SLC25A31: variants seen among roughly 807,000 people sequenced by gnomAD.
SLC25A31 encodes the protein ADP/ATP translocase 4.
Under a neutral mutation model 36.2 loss-of-function variants are expected in SLC25A31, and 40 were observed. The observed-to-expected ratio is 1.10, with a 90% CI of 0.86 to 1.44. The LOEUF (loss-of-function observed/expected upper bound fraction) is 1.44, where lower values mean the gene tolerates loss of function less well. Ranked by LOEUF, SLC25A31 falls within the 40% of genes most tolerant of loss-of-function variation. The pLI is 0.00. For missense variants in SLC25A31, 350 were observed against 397.1 expected (o/e 0.88, Z 1.01); for synonymous variants, 143 against 149.7 (o/e 0.96, Z 0.32).
chr4:127,733,297 G>A (rs946689734), intron 1 of SLC25A31, among the ~76,000 whole-genome samples: 3 of 152,172 alleles, frequency 2.0e-5, no homozygotes, highest in African/African-American at 4.8e-5. Context: ...GGGACCAAAA[G>A]TTGTGGAATT....
chr4:127,730,851 G>A, intron 1 of SLC25A31, 74 bp downstream of exon 1: 1 of 1,410,336 alleles, frequency 7.1e-7, no homozygotes, highest in Non-Finnish European at 9.7e-7. Context: ...GGGTGGCTGG[G>A]AGGGGCATGA....
At chr4:127,759,426 C>T (rs1054278217) in intron 2 of SLC25A31, among the ~76,000 whole-genome samples, 1 of 152,130 alleles carries the variant, frequency 6.6e-6, no homozygotes, top group African/African-American at 2.4e-5. Context: ...TGTAATTTGA[C>T]TTCCCCTTTT....
At chr4:127,760,927 A>G (rs1732116757) in intron 2 of SLC25A31, among the ~76,000 whole-genome samples, 1 of 151,958 alleles carries the variant, frequency 6.6e-6, no homozygotes, top group Non-Finnish European at 1.5e-5. Flanking sequence ...TAGTCCCAGC[A>G]CTCCAGCCTG....
intron 2 of SLC25A31, among the ~76,000 whole-genome samples, chr4:127,748,420 C>T (rs931139844): frequency 6.6e-6 from 1 of 152,188 alleles, no homozygotes; most frequent in African/African-American, 2.4e-5. Flanking sequence ...GTTCCAGCCC[C>T]TGTCACCCAT....
rs531401148 is a variant in SLC25A31 at position 127,749,220 on chromosome 4, T to A, written c.360+4421T>A. Among the ~76,000 whole-genome samples the A allele has an allele frequency of 6.0e-4, 91 of 152,076 alleles. 2 individuals carry two copies. The South Asian group carries it at 0.019, about 32-fold the overall frequency. ...AAACTCAAAGATAGGTCATTTAAAA[T>A]TAGCCAATTAGAGAAAAAAATATAA... On this transcript the variant is annotated intron_variant, in intron 2 of 5. Transcript: ENST00000281154.
intron 4 of SLC25A31, 123 bp from the exon 5 acceptor site, chr4:127,768,629 T>C (rs1578673657): frequency 1.3e-6 from 1 of 776,076 alleles, no homozygotes; most frequent in African/African-American, 1.8e-5. Context: ...AATCCAACAT[T>C]TTTATTGCAT....
intron 4 of SLC25A31, 111 bp from the exon 5 acceptor site, chr4:127,768,641 T>G (rs1732291524): frequency 1.1e-6 from 1 of 869,636 alleles, no homozygotes; most frequent in Non-Finnish European, 1.6e-6. Context: ...TTATTGCATT[T>G]TAAGTATAAT....
intron 3 of SLC25A31, among the ~76,000 whole-genome samples, chr4:127,766,158 T>A (rs1003095476): frequency 6.6e-6 from 1 of 151,636 alleles, no homozygotes; most frequent in Non-Finnish European, 1.5e-5. Context: ...ATTTGTTTTT[T>A]TTTTTGTTTT....
intron 1 of SLC25A31, among the ~76,000 whole-genome samples, chr4:127,735,473 T>G (rs1408653116): frequency 6.6e-6 from 1 of 152,166 alleles, no homozygotes. Flanking sequence ...TTGTTTACAG[T>G]TTTTTATTGC....
At chr4:127,770,875 A>T (rs951335624) in intron 5 of SLC25A31, among the ~76,000 whole-genome samples, 2 of 143,724 alleles carry the variant, frequency 1.4e-5, no homozygotes, top group Non-Finnish European at 3.0e-5. Flanking sequence ...TCCTCTGAAG[A>T]CCTCTCTCCT....
intron 1 of SLC25A31, among the ~76,000 whole-genome samples, chr4:127,738,117 G>A (rs551784150): frequency 7.2e-4 from 109 of 152,288 alleles, no homozygotes; most frequent in African/African-American, 2.5e-3. Flanking sequence ...TCCCCAGGCT[G>A]GAGTGTGGTG....
In SLC25A31 at chr4:127,773,489, T is replaced by C. The variant is rs1732406668; in HGVS notation, c.863T>C (p.Val288Ala). Residue 288 changes from valine to alanine, a missense_variant, in exon 6 of 6, where the codon GTT (valine) becomes GCT (alanine). Transcript: ENST00000281154. ...SSFFRGAFSN[V>A]LRGTGGALVL... ...TTTTTTCGTGGCGCCTTCTCCAATG[T>C]TCTTCGCGGTACAGGGGGTGCTTTG... 6.2e-7 allele frequency: 1 copy of C among 1,614,030 alleles called. No homozygotes were observed.
chr4:127,730,442 GCC>G lies in SLC25A31; in HGVS notation c.-103_-102del. On this transcript the variant is annotated 5_prime_UTR_variant, in exon 1 of 6. Transcript: ENST00000281154. The stretch of plus-strand genomic sequence containing the variant: ...TCAGCGTCCCAAGAGCCACTTTCTC[GCC>G]AGTACGATGCTGCAGCGGTTTTCCG... The G allele has an allele frequency of 7.2e-6, 9 of 1,252,574 alleles. No homozygotes were observed. The South Asian group carries it at 1.3e-4, about 18-fold the overall frequency. 77.6% of individuals were successfully genotyped at this position (1,252,574 alleles called of 1,614,324 possible).
rs1328002457 is a variant in SLC25A31, at chr4:127,730,594, G to A, written c.49G>A (p.Ala17Thr). 1 of 1,614,064 alleles carries A rather than the reference G, an allele frequency of 6.2e-7. No homozygotes were observed. Among genetic ancestry groups the A allele is most frequent in the Non-Finnish European group, 8.5e-7 (1 of 1,179,942 alleles). ...GAAGGCAGAAAAGCGGCTGTTTGAC[G>A]CCTCATCCTTCGGGAAGGACCTTCT... is the stretch of plus-strand genomic sequence containing the variant. The part of the protein sequence containing the change: ...KKKAEKRLFD[A>T]SSFGKDLLAG... The change falls in exon 1 of 6, where the codon GCC becomes ACC. Residue 17 changes from alanine to threonine, a missense_variant. Physicochemically the swap from Ala to Thr is moderately conservative, Grantham distance 58. Coordinates refer to ENST00000281154, the MANE Select transcript of SLC25A31 (RefSeq NM_031291.4).
chr4:127,733,847 T>G (rs898216621), intron 1 of SLC25A31, among the ~76,000 whole-genome samples: 4 of 152,202 alleles, frequency 2.6e-5, no homozygotes, highest in African/African-American at 9.7e-5. Context: ...GCTCTCTAGT[T>G]TCTTACCTTA....
intron 2 of SLC25A31, among the ~76,000 whole-genome samples, chr4:127,756,358 C>G (rs968882513): frequency 1.3e-5 from 2 of 152,040 alleles, no homozygotes; most frequent in Non-Finnish European, 2.9e-5. Flanking sequence ...TTTGTACATC[C>G]CACTTATATA....
At chr4:127,744,344 G>A (rs1026553727) in intron 1 of SLC25A31, among the ~76,000 whole-genome samples, 12 of 152,148 alleles carry the variant, frequency 7.9e-5, no homozygotes, top group African/African-American at 2.7e-4. Context: ...ATCAGGATTT[G>A]GGAATAAGCC....
chr4:127,747,294 C>G (rs540673722), intron 2 of SLC25A31, among the ~76,000 whole-genome samples: 96 of 152,190 alleles, frequency 6.3e-4, no homozygotes, highest in African/African-American at 2.3e-3. Context: ...TTCTAGTTCT[C>G]TGAAGAATGT....
intron 2 of SLC25A31, among the ~76,000 whole-genome samples, chr4:127,749,743 C>T (rs1317375327): frequency 6.7e-6 from 1 of 148,700 alleles, no homozygotes; most frequent in African/African-American, 2.5e-5. Context: ...TACAGTGACT[C>T]ACTCCTGTTA....
Sources: gnomAD v4.1 joint callset for allele counts (sites outside exome capture counted in the v4.1 genomes callset) on GRCh38, gnomAD v4.1.1 for gene constraint, MANE v1.5 for transcripts, NCBI Gene and HGNC (gene_info 2026-07-23, HGNC 2026-07-21) for gene names.